Variants in CNTN5 observed in about 807,000 individuals in gnomAD.
The protein encoded by CNTN5 is contactin 5.
A neutral mutation model predicts 129.1 loss-of-function variants in CNTN5; 77 were observed. That is an observed-to-expected ratio of 0.60 (90% CI 0.50 to 0.72). The LOEUF is 0.72. Ranked by LOEUF, CNTN5 falls within the 30% of genes least tolerant of loss-of-function variation. The probability of loss-of-function intolerance (pLI) is 0.00; values close to 1 mark genes in which losing one functional copy is unlikely to be tolerated. For synonymous variants in CNTN5, 509 were observed against 465.6 expected (o/e 1.09, Z -1.20); for missense variants, 1,478 against 1,328.8 (o/e 1.11, Z -1.75).
At position 99,577,263 on chromosome 11, in the gene CNTN5, GC is replaced by G. The variant is rs535152966; in HGVS notation, c.55+20995del. On this transcript the variant is annotated intron_variant, in intron 3 of 24. Coordinates refer to ENST00000524871, the MANE Select transcript of CNTN5 (RefSeq NM_014361.4). Reference sequence around the variant, plus strand: ...TTCACATAGAGTTGTAGCTCTGCCTGCTTGTGTCCTTTGACACATTACAGAG... The same window carrying G: ...TTCACATAGAGTTGTAGCTCTGCCTGTTGTGTCCTTTGACACATTACAGAG... Among the ~76,000 whole-genome samples the G allele has an allele frequency of 2.0e-4, 30 of 152,288 alleles. No homozygotes were observed. In the South Asian group the frequency reaches 6.2e-3, roughly 32 times the overall value.
intron 3 of CNTN5, among the ~76,000 whole-genome samples, chr11:99,709,734 A>T (rs563010510): frequency 1.3e-5 from 2 of 151,836 alleles, no homozygotes; most frequent in African/African-American, 4.8e-5. Context: ...AAAAGGATTC[A>T]TTAAGGTATA....
chr11:99,225,287 G>A (rs1860622160), intron 1 of CNTN5, among the ~76,000 whole-genome samples: 1 of 152,082 alleles, frequency 6.6e-6, no homozygotes, highest in African/African-American at 2.4e-5. Flanking sequence ...ATAGCAACAG[G>A]GCGCTATAGG....
At chr11:100,158,072 A>T (rs575082103) in intron 13 of CNTN5, among the ~76,000 whole-genome samples, 120 of 151,900 alleles carry the variant, frequency 7.9e-4, no homozygotes, top group African/African-American at 2.8e-3. Flanking sequence ...ATTGAGGAAG[A>T]CTAATTTTTT....
intron 3 of CNTN5, among the ~76,000 whole-genome samples, chr11:99,768,712 A>T (rs1286930463): frequency 6.6e-6 from 1 of 152,118 alleles, no homozygotes; most frequent in African/African-American, 2.4e-5. Flanking sequence ...ATACAGAAGG[A>T]CTCACAATGC....
chr11:99,358,591 A>G (rs952313638), intron 2 of CNTN5, among the ~76,000 whole-genome samples: 1 of 152,038 alleles, frequency 6.6e-6, no homozygotes, highest in Admixed American at 6.6e-5. Flanking sequence ...ATAAATTGTC[A>G]TTCTTAATTT....
intron 13 of CNTN5, among the ~76,000 whole-genome samples, chr11:100,082,025 A>G (rs7949766): frequency 1.3e-5 from 2 of 152,124 alleles, no homozygotes; most frequent in Non-Finnish European, 2.9e-5. Context: ...CACATTAAGC[A>G]TGACAGTTAA....
intron 9 of CNTN5, among the ~76,000 whole-genome samples, chr11:100,010,354 T>G (rs1940449846): frequency 1.3e-5 from 2 of 152,042 alleles, no homozygotes; most frequent in Admixed American, 1.3e-4. Flanking sequence ...TAATAAAAAT[T>G]AGAACCTCAG....
chr11:99,562,920 G>T (rs140300365), intron 3 of CNTN5, among the ~76,000 whole-genome samples: 3 of 152,092 alleles, frequency 2.0e-5, no homozygotes, highest in Non-Finnish European at 1.5e-5. Flanking sequence ...GAAGATGACC[G>T]AGCTAAAAGT....
At chr11:100,180,566 C>T (rs1948109609) in intron 13 of CNTN5, among the ~76,000 whole-genome samples, 1 of 151,746 alleles carries the variant, frequency 6.6e-6, no homozygotes, top group Non-Finnish European at 1.5e-5. Flanking sequence ...TAAGGTTAAA[C>T]AAAGAATTGG....
intron 9 of CNTN5, among the ~76,000 whole-genome samples, chr11:100,038,078 C>G (rs935449568): frequency 5.9e-5 from 9 of 152,022 alleles, no homozygotes; most frequent in African/African-American, 2.2e-4. Flanking sequence ...AATTTTAGAT[C>G]TTTCCTGCTT....
intron 3 of CNTN5, among the ~76,000 whole-genome samples, chr11:99,705,244 G>A (rs1954704844): frequency 6.6e-6 from 1 of 151,210 alleles, no homozygotes; most frequent in African/African-American, 2.4e-5. Context: ...AAGTCCTTCT[G>A]ATTTACAGAG....
At chr11:100,245,658 CT>C (rs1365686210) in intron 16 of CNTN5, among the ~76,000 whole-genome samples, 1 of 152,104 alleles carries the variant, frequency 6.6e-6, no homozygotes, top group African/African-American at 2.4e-5. Flanking sequence ...TTATTTGCCC[CT>C]GCTCATAATT....
At chr11:99,324,237 G>T (rs1865690387) in intron 1 of CNTN5, among the ~76,000 whole-genome samples, 2 of 152,072 alleles carry the variant, frequency 1.3e-5, no homozygotes, top group Admixed American at 1.3e-4. Flanking sequence ...ATGTACCTTA[G>T]GTTTCCCTGG....
intron 21 of CNTN5, among the ~76,000 whole-genome samples, chr11:100,329,848 C>T (rs1358166428): frequency 6.6e-6 from 1 of 152,200 alleles, no homozygotes; most frequent in Non-Finnish European, 1.5e-5. Context: ...CCCAGATCTT[C>T]CCTCTAACAT....
intron 8 of CNTN5, among the ~76,000 whole-genome samples, chr11:99,981,075 AG>A (rs1938299792): frequency 4.5e-5 from 1 of 22,214 alleles, no homozygotes; most frequent in Admixed American, 9.3e-4. Context: ...AAGAGCCAAT[AG>A]GATATATATA....
At chr11:99,822,641 C>A (rs1946836725) in intron 4 of CNTN5, among the ~76,000 whole-genome samples, 1 of 152,062 alleles carries the variant, frequency 6.6e-6, no homozygotes, top group Non-Finnish European at 1.5e-5. Flanking sequence ...AAATAAGTAC[C>A]AGGAGAGGGT....
At chr11:100,260,248 G>T (rs1027623486) in intron 17 of CNTN5, among the ~76,000 whole-genome samples, 4 of 152,088 alleles carry the variant, frequency 2.6e-5, no homozygotes, top group Non-Finnish European at 4.4e-5. Context: ...AAACCAAGAA[G>T]AATTTGAATC....
intron 6 of CNTN5, among the ~76,000 whole-genome samples, chr11:99,888,864 C>A (rs1032234953): frequency 5.3e-5 from 8 of 152,118 alleles, no homozygotes; most frequent in African/African-American, 1.9e-4. Flanking sequence ...TGACGCAGGG[C>A]AAATTTAATT....
At chr11:99,959,287 A>C (rs1950881450) in intron 8 of CNTN5, among the ~76,000 whole-genome samples, 1 of 151,846 alleles carries the variant, frequency 6.6e-6, no homozygotes, top group Non-Finnish European at 1.5e-5. Flanking sequence ...TTAATTTGCT[A>C]CTCTCCCCTA....
Sources: gnomAD v4.1 joint callset for allele counts (sites outside exome capture counted in the v4.1 genomes callset) on GRCh38, gnomAD v4.1.1 for gene constraint, MANE v1.5 for transcripts, NCBI Gene and HGNC (gene_info 2026-07-23, HGNC 2026-07-21) for gene names.